LIN9: variants seen among roughly 807,000 people sequenced by gnomAD.
LIN9 encodes lin-9 DREAM MuvB core complex component.
Under a neutral mutation model 78.0 loss-of-function variants are expected in LIN9, and 18 were observed. That is an observed-to-expected ratio of 0.23 (90% CI 0.16 to 0.34). The LOEUF is 0.34. LIN9 is among the 10% of genes least tolerant of loss of function. LIN9 has a pLI of 1.00. For missense variants in LIN9, 451 were observed against 644.1 expected, an observed-to-expected ratio of 0.70 and a Z score of 3.25; for synonymous variants, 192 against 215.2, an observed-to-expected ratio of 0.89 and a Z score of 0.94.
chr1:226,235,629 T>G (rs912628395), intron 12 of LIN9, among the ~76,000 whole-genome samples: 8 of 152,198 alleles, frequency 5.3e-5, no homozygotes, highest in African/African-American at 1.9e-4. Context: ...CTCAAAAAAT[T>G]TTGGACTTTG....
Position 226,238,640 on chromosome 1 carries a change from T to A in LIN9, c.1245+331A>T, listed in dbSNP as rs566021592. The stretch of plus-strand genomic sequence containing the variant: ...TAGACCCTGTCTCAAAAAAAATAAA[T>A]AAATAAATAAAGAAGAAGAAAAAAC... On this transcript the variant is annotated intron_variant, in intron 12 of 14. Transcript: ENST00000681046. 7.8e-3 allele frequency among the ~76,000 whole-genome samples: 1,175 copies of A among 151,252 alleles called. 16 individuals are homozygous for A. The highest frequency in any genetic ancestry group is 0.027 in the African/African-American group (1,107 of 41,196).
intron 6 of LIN9, among the ~76,000 whole-genome samples, chr1:226,281,683 T>C (rs930263242): frequency 6.6e-5 from 10 of 151,016 alleles, no homozygotes; most frequent in African/African-American, 2.4e-4. Context: ...TAGTTGACAA[T>C]TTTTTTTTCT....
At chr1:226,261,271 T>C (rs1469097419) in intron 10 of LIN9, among the ~76,000 whole-genome samples, 1 of 151,968 alleles carries the variant, frequency 6.6e-6, no homozygotes, top group East Asian at 1.9e-4. Context: ...AACATCATAC[T>C]GGAAGTCCTA....
At chr1:226,302,882 A>G (rs1399864365) in intron 1 of LIN9, among the ~76,000 whole-genome samples, 3 of 152,212 alleles carry the variant, frequency 2.0e-5, no homozygotes, top group African/African-American at 7.2e-5. Context: ...TGCATCTCTG[A>G]TCACTAAACC....
chr1:226,250,376 C>T (rs1658756524), intron 11 of LIN9, among the ~76,000 whole-genome samples: 1 of 152,132 alleles, frequency 6.6e-6, no homozygotes, highest in South Asian at 2.1e-4. Context: ...CTGAGCAATT[C>T]TAGACTCATG....
chr1:226,291,878 T>C (rs75613051), intron 4 of LIN9, among the ~76,000 whole-genome samples: 1,724 of 152,034 alleles, frequency 0.011, 15 homozygotes, highest in Non-Finnish European at 0.019. Context: ...AAAATAACTT[T>C]GTTTTTCTTT....
chr1:226,267,305 A>G (rs961746334), intron 8 of LIN9, among the ~76,000 whole-genome samples: 2 of 62,366 alleles, frequency 3.2e-5, no homozygotes, highest in Non-Finnish European at 6.3e-5. Flanking sequence ...GTGTGTGTAT[A>G]TATATTATGT....
intron 7 of LIN9, among the ~76,000 whole-genome samples, chr1:226,270,532 T>C (rs1483654518): frequency 6.6e-6 from 1 of 152,068 alleles, no homozygotes; most frequent in Non-Finnish European, 1.5e-5. Context: ...GCAGCTGTTA[T>C]AAATATGTTC....
At chr1:226,258,852 C>A (rs1403971397) in intron 10 of LIN9, among the ~76,000 whole-genome samples, 3 of 115,964 alleles carry the variant, frequency 2.6e-5, no homozygotes, top group Non-Finnish European at 4.9e-5. Context: ...GATCACGCCA[C>A]TGCACTCCAG....
intron 4 of LIN9, among the ~76,000 whole-genome samples, chr1:226,289,845 G>GA (rs1661631259): frequency 1.8e-5 from 1 of 55,290 alleles, no homozygotes; most frequent in African/African-American, 7.7e-5. Flanking sequence ...GGGGGGGGGG[G>GA]TGGGGGGGGG....
chr1:226,275,058 C>G (rs2102936805), intron 7 of LIN9, among the ~76,000 whole-genome samples: 1 of 152,112 alleles, frequency 6.6e-6, no homozygotes, highest in Non-Finnish European at 1.5e-5. Context: ...GTATGCTACA[C>G]AGGGTGTTGA....
chr1:226,299,339 A>C (rs1300957501), intron 2 of LIN9, among the ~76,000 whole-genome samples: 1 of 152,096 alleles, frequency 6.6e-6, no homozygotes, highest in African/African-American at 2.4e-5. Context: ...ACCCATCTCT[A>C]TTAAAAATAC....
intron 11 of LIN9, among the ~76,000 whole-genome samples, chr1:226,244,197 G>A (rs1444451141): frequency 1.3e-5 from 2 of 150,788 alleles, no homozygotes; most frequent in East Asian, 4.1e-4. Context: ...TTTGGAGGTG[G>A]AGGAGGGTAG....
intron 11 of LIN9, among the ~76,000 whole-genome samples, chr1:226,241,896 C>T (rs1016092383): frequency 2.6e-5 from 4 of 151,636 alleles, no homozygotes; most frequent in African/African-American, 9.7e-5. Flanking sequence ...AACTAATGAA[C>T]CATAAAAAAA....
At chr1:226,239,215 T>A in intron 11 of LIN9, 119 bp from the exon 12 acceptor site, 1 of 954,032 alleles carries the variant, frequency 1.0e-6, no homozygotes, top group Non-Finnish European at 1.6e-6. Flanking sequence ...TAAATTTGTC[T>A]GTTTTAATTG....
chr1:226,298,733 C>T (rs1215790478), intron 2 of LIN9, among the ~76,000 whole-genome samples: 1 of 151,974 alleles, frequency 6.6e-6, no homozygotes, highest in Non-Finnish European at 1.5e-5. Flanking sequence ...TGGTGGCACG[C>T]ACCTGTAGTC....
At chr1:226,262,836 G>C (rs1420263022) in intron 10 of LIN9, among the ~76,000 whole-genome samples, 2 of 152,158 alleles carry the variant, frequency 1.3e-5, no homozygotes, top group Non-Finnish European at 2.9e-5. Context: ...CCTGCACACA[G>C]ATGTTTATGG....
intron 8 of LIN9, among the ~76,000 whole-genome samples, chr1:226,267,670 T>A (rs1177434315): frequency 6.6e-6 from 1 of 152,118 alleles, no homozygotes; most frequent in Non-Finnish European, 1.5e-5. Flanking sequence ...GCAATGAAAA[T>A]GTTATGTAGC....
upstream of LIN9, chr1:226,309,699 C>G (rs765566451): frequency 5.4e-5 from 70 of 1,287,176 alleles, no homozygotes; most frequent in Non-Finnish European, 6.9e-5. Flanking sequence ...GCAGCAGCCC[C>G]CTGCGCGTCG....
Sources: gnomAD v4.1 joint callset for allele counts (sites outside exome capture counted in the v4.1 genomes callset) on GRCh38, gnomAD v4.1.1 for gene constraint, MANE v1.5 for transcripts, NCBI Gene and HGNC (gene_info 2026-07-23, HGNC 2026-07-21) for gene names.